Variants in MAP2K2 observed in about 807,000 individuals in gnomAD.
MAP2K2 encodes mitogen-activated protein kinase kinase 2.
A neutral mutation model predicts 43.7 loss-of-function variants in MAP2K2; 24 were observed. The ratio of observed to expected loss-of-function variants is 0.55; its 90% CI spans 0.40 to 0.77. The LOEUF is 0.77. MAP2K2 is among the 30% of genes least tolerant of loss of function. The pLI is 0.00. For synonymous variants in MAP2K2, 244 were observed against 239.7 expected (o/e 1.02, Z -0.17); for missense variants, 470 against 566.8 (o/e 0.83, Z 1.73).
At chr19:4,095,938 C>T (rs1384469919) in intron 8 of MAP2K2, among the ~76,000 whole-genome samples, 1 of 152,204 alleles carries the variant, frequency 6.6e-6, no homozygotes, top group African/African-American at 2.4e-5. Context: ...CTGCGCCTGG[C>T]TAATTTTTAT....
In MAP2K2 at chr19:4,101,585, G is replaced by A. The variant is rs1450836117; in HGVS notation, c.529-305C>T. On this transcript the variant is annotated intron_variant, in intron 4 of 10. Coordinates refer to ENST00000262948, the MANE Select transcript of MAP2K2 (RefSeq NM_030662.4). This position sits in a 1 kb window ranked among gnomAD's most constrained non-coding sequence, Gnocchi z 6.3. ...AGGGAAGCTGAGATGGTGGCCCATGGCCCGGGAGTAGGCTGGGCTGCCGAG... is the reference window on the plus strand; with the variant it reads ...AGGGAAGCTGAGATGGTGGCCCATGACCCGGGAGTAGGCTGGGCTGCCGAG... 1.3e-5 allele frequency among the ~76,000 whole-genome samples: 2 copies of A among 152,180 alleles called. No individual in the cohort carries two copies. The highest frequency in any genetic ancestry group is 2.9e-5 in the Non-Finnish European group (2 of 68,028).
intron 10 of MAP2K2, among the ~76,000 whole-genome samples, chr19:4,094,020 G>C (rs1474952781): frequency 6.6e-6 from 1 of 152,140 alleles, no homozygotes; most frequent in Admixed American, 6.5e-5. Flanking sequence ...GGGGTTTAAG[G>C]GGACACCGAA....
intron 3 of MAP2K2, chr19:4,103,232 G>A (rs2041039917): frequency 1.5e-5 from 15 of 986,134 alleles, no homozygotes; most frequent in Non-Finnish European, 1.7e-5. Flanking sequence ...GAGTCATCAT[G>A]GGTAGGCTGG....
intron 10 of MAP2K2, among the ~76,000 whole-genome samples, chr19:4,091,498 A>C (rs2040854452): frequency 6.7e-6 from 1 of 149,544 alleles, no homozygotes; most frequent in Non-Finnish European, 1.5e-5. Flanking sequence ...GATTACAGGC[A>C]TGTGCCACCA....
chr19:4,117,673 T>C, intron 1 of MAP2K2, 44 bp from the exon 2 acceptor site: 1 of 1,578,456 alleles, frequency 6.3e-7, no homozygotes, highest in East Asian at 2.2e-5. Context: ...CTAGGGAGAC[T>C]CCATCTGGCC....
chr19:4,112,580 C>T (rs1356957927), intron 2 of MAP2K2, among the ~76,000 whole-genome samples: 1 of 152,144 alleles, frequency 6.6e-6, no homozygotes, highest in Non-Finnish European at 1.5e-5. Context: ...GGGCCCGGGG[C>T]ACGGTGCCCA....
intron 8 of MAP2K2, 53 bp from the exon 9 acceptor site, chr19:4,095,502 C>T (rs369529993): frequency 5.1e-5 from 75 of 1,457,322 alleles, no homozygotes; most frequent in Middle Eastern, 1.8e-4. Flanking sequence ...CAGGGACCCT[C>T]GGCTGCAGCC....
chr19:4,119,769 C>T (rs2041269800), intron 1 of MAP2K2, among the ~76,000 whole-genome samples: 2 of 152,234 alleles, frequency 1.3e-5, no homozygotes, highest in African/African-American at 4.8e-5. Flanking sequence ...GAACAGGCCA[C>T]CTCCAGAGGT....
intron 2 of MAP2K2, among the ~76,000 whole-genome samples, chr19:4,112,651 GCTGCCTGCCCCTGCCTGCCCGCCC>G (rs1352164053): frequency 6.6e-6 from 1 of 151,706 alleles, no homozygotes; most frequent in Non-Finnish European, 1.5e-5. Context: ...CAGCCCTGGC[GCTGCCTGCCCCTGCCTGCCCGCCC>G]CTGCCTGCCC....
intron 10 of MAP2K2, among the ~76,000 whole-genome samples, chr19:4,094,054 G>GCT (rs1330394024): frequency 6.6e-6 from 1 of 152,194 alleles, no homozygotes; most frequent in Non-Finnish European, 1.5e-5. Context: ...CGGGGGACCT[G>GCT]CTTGCCAGTG....
At chr19:4,119,188 T>C (rs914517508) in intron 1 of MAP2K2, among the ~76,000 whole-genome samples, 2 of 152,098 alleles carry the variant, frequency 1.3e-5, no homozygotes, top group African/African-American at 4.8e-5. Context: ...GTGTGAGCCA[T>C]CATGTCTGGC....
chr19:4,118,841 A>T (rs949787634), intron 1 of MAP2K2, among the ~76,000 whole-genome samples: 2 of 152,230 alleles, frequency 1.3e-5, no homozygotes, highest in South Asian at 2.1e-4. Flanking sequence ...TTATTGGGTG[A>T]TTCAAGGAAT....
At position 4,101,174 on chromosome 19, in the gene MAP2K2, C is replaced by G. The variant is rs1275678604; in HGVS notation, c.581-31G>C. ...GGCGGCAGGCTGCGGGTGAGGGGCG[C>G]CCAACAGTTGCCTGCCGGCCCCCGG... On this transcript the variant is annotated intron_variant, in intron 5 of 10. Coordinates refer to ENST00000262948, the MANE Select transcript of MAP2K2 (RefSeq NM_030662.4). The surrounding 1 kb of genome is among the most constrained non-coding windows in gnomAD (Gnocchi z 6.3). The G allele has an allele frequency of 6.2e-7, 1 of 1,602,702 alleles. No individual in the cohort carries two copies.
In MAP2K2 at chr19:4,115,093, TTA is replaced by T. The variant is rs1568262374; in HGVS notation, c.303+2324_303+2325del. 6.6e-6 allele frequency among the ~76,000 whole-genome samples: 1 copy of T among 152,004 alleles called. No individual in the cohort carries two copies. The highest frequency in any genetic ancestry group is 1.5e-5 in the Non-Finnish European group (1 of 68,004). On this transcript the variant is annotated intron_variant, in intron 2 of 10. Coordinates refer to ENST00000262948, the MANE Select transcript of MAP2K2 (RefSeq NM_030662.4). The surrounding 1 kb of genome is among the most constrained non-coding windows in gnomAD (Gnocchi z 4.1). The stretch of plus-strand genomic sequence containing the variant: ...TAAAGAAAACCTAATTTTGAAAGAA[TTA>T]TAGAAGCACAGGAAGTTGCAAAAAT...
At chr19:4,097,072 T>C (rs2040928740) in intron 8 of MAP2K2, among the ~76,000 whole-genome samples, 1 of 148,986 alleles carries the variant, frequency 6.7e-6, no homozygotes, top group Non-Finnish European at 1.5e-5. Context: ...TGCGCACCTG[T>C]AATCCCAGCT....
Position 4,094,502 on chromosome 19 carries a change from G to T in MAP2K2, c.1047-4C>A. On this transcript the variant is annotated splice_polypyrimidine_tract_variant and splice_region_variant and intron_variant, in intron 9 of 10. Coordinates refer to ENST00000262948, the MANE Select transcript of MAP2K2 (RefSeq NM_030662.4). ...CTCCGCTGGGTTCTTGATGAGGCTG[G>T]GGGTTCCAAGAGGCAGGACCGGGAG... 1 of 1,569,134 alleles carries T rather than the reference G, an allele frequency of 6.4e-7. No individual in the cohort carries two copies. The highest frequency in any genetic ancestry group is 2.3e-5 in the East Asian group (1 of 43,102).
chr19:4,112,076 G>C lies in MAP2K2; in HGVS notation c.304-1421C>G, dbSNP rs1022473310. On this transcript the variant is annotated intron_variant, in intron 2 of 10. Coordinates refer to ENST00000262948, the MANE Select transcript of MAP2K2 (RefSeq NM_030662.4). ...CCCCCAGCATGGCAAGGAGCAGCCT[G>C]AGGCTTTGGGACGGCACCCTGGAGA... 3.3e-5 allele frequency among the ~76,000 whole-genome samples: 5 copies of C among 152,240 alleles called. 1 individual carries two copies. The highest frequency in any genetic ancestry group is 1.2e-4 in the African/African-American group (5 of 41,462).
rs571504213 is a variant in MAP2K2, at chr19:4,114,230, G to A, written c.303+3189C>T. On this transcript the variant is annotated intron_variant, in intron 2 of 10. Coordinates refer to ENST00000262948, the MANE Select transcript of MAP2K2 (RefSeq NM_030662.4). Reference sequence around the variant, plus strand: ...CCCCGGCAGCTGCTCCCAAGTCCGAGCAGATCCAAGAGGGTTCGAATCCGA... The same window carrying A: ...CCCCGGCAGCTGCTCCCAAGTCCGAACAGATCCAAGAGGGTTCGAATCCGA... Among the ~76,000 whole-genome samples, 19 of 152,334 alleles carry A rather than the reference G, an allele frequency of 1.2e-4. No homozygotes were observed. The East Asian group carries it at 3.5e-3, about 28-fold the overall frequency.
At chr19:4,099,485 C>G in intron 6 of MAP2K2, 71 bp from the exon 7 acceptor site, 2 of 1,229,122 alleles carry the variant, frequency 1.6e-6, no homozygotes, top group Non-Finnish European at 2.3e-6. Flanking sequence ...AGGCTTGCCC[C>G]GTTACAGCCC....
Sources: allele counts gnomAD v4.1 joint callset (sites outside exome capture counted in the v4.1 genomes callset), GRCh38; gene constraint gnomAD v4.1.1; non-coding constraint Gnocchi (gnomAD v3.1); transcripts MANE v1.5; gene names NCBI Gene and HGNC (gene_info 2026-07-23, HGNC 2026-07-21).